Variants in PTTG1 observed in about 807,000 individuals in gnomAD.
PTTG1 encodes the protein securin.
PTTG1 carries 8 observed loss-of-function variants against 20.0 expected under a neutral mutation model. That is an observed-to-expected ratio of 0.40 (90% CI 0.23 to 0.72). The LOEUF is 0.72. PTTG1 is among the 30% of genes least tolerant of loss of function. PTTG1 has a pLI of 0.38. For synonymous variants in PTTG1, 79 were observed against 87.2 expected (o/e 0.91, Z 0.52); for missense variants, 197 against 236.0 (o/e 0.83, Z 1.08).
intron 4 of PTTG1, among the ~76,000 whole-genome samples, chr5:160,427,451 A>G (rs1397362240): frequency 1.5e-5 from 2 of 130,086 alleles, no homozygotes; most frequent in African/African-American, 4.0e-5. Context: ...TTTTTAAACT[A>G]CAAGCGAAGA....
At chr5:160,422,427 G>T in intron 2 of PTTG1, 24 bp downstream of exon 2, 1 of 1,590,448 alleles carries the variant, frequency 6.3e-7, no homozygotes, top group East Asian at 2.2e-5. Context: ...GCTGCAGTCG[G>T]ATACACTGGT....
At position 160,422,850 on chromosome 5, in the gene PTTG1, A is replaced by G; in HGVS notation, c.233A>G (p.Lys78Arg). ...GCTACAGAAAAGTCTGTAAAGACCA[A>G]GGGACCCCTCAAACAAAAACAGCCA... ...NRATEKSVKT[K>R]GPLKQKQPSF... Residue 78 changes from lysine to arginine, a missense_variant, in exon 3 of 6, where the codon AAG becomes AGG. By Grantham distance (26) the Lys-to-Arg change is conservative. Transcript: ENST00000352433. 1.2e-6 allele frequency: 2 copies of G among 1,614,224 alleles called. No homozygotes were observed. Among genetic ancestry groups the G allele is most frequent in the Non-Finnish European group, 8.5e-7 (1 of 1,180,026 alleles).
intron 4 of PTTG1, among the ~76,000 whole-genome samples, chr5:160,426,470 T>C (rs1327768584): frequency 1.3e-5 from 2 of 152,192 alleles, no homozygotes; most frequent in Non-Finnish European, 2.9e-5. Flanking sequence ...TGGCTGTTTC[T>C]GAATATAAAA....
At chr5:160,422,479 CT>C in intron 2 of PTTG1, 76 bp downstream of exon 2, 1 of 1,344,540 alleles carries the variant, frequency 7.4e-7, no homozygotes, top group Non-Finnish European at 1.1e-6. Flanking sequence ...ATTTAGTGTA[CT>C]TTTTGGGCAA....
At chr5:160,423,947 C>A (rs1028354656) in intron 3 of PTTG1, among the ~76,000 whole-genome samples, 1 of 152,134 alleles carries the variant, frequency 6.6e-6, no homozygotes, top group South Asian at 2.1e-4. Context: ...GTGATTCATG[C>A]CCATTTTCTC....
Position 160,422,725 on chromosome 5 carries a change from T to TG in PTTG1, c.111dup (p.Arg38GlufsTer21). The TG allele has an allele frequency of 6.2e-7, 1 of 1,614,104 alleles. No homozygotes were observed. Among genetic ancestry groups the TG allele is most frequent in the Non-Finnish European group, 8.5e-7 (1 of 1,180,004 alleles). On this transcript the variant is annotated frameshift_variant, in exon 3 of 6. Coordinates refer to ENST00000352433, the MANE Select transcript of PTTG1 (RefSeq NM_004219.4). LOFTEE classifies it high-confidence loss of function. ...TTTCTTCAGCAATCAAAGCCTTAGA[T>TG]GGGAGATCTCAAGTTTCAACACCAC...
chr5:160,424,144 C>T (rs1581085079), intron 3 of PTTG1, 93 bp from the exon 4 acceptor site: 3 of 853,872 alleles, frequency 3.5e-6, no homozygotes, highest in African/African-American at 1.7e-5. Context: ...ATTATGGCTT[C>T]TTAGAAGGCA....
At chr5:160,422,683 T>G in intron 2 of PTTG1, 26 bp from the exon 3 acceptor site, 1 of 1,612,722 alleles carries the variant, frequency 6.2e-7, no homozygotes, top group East Asian at 2.2e-5. Flanking sequence ...TGCTGGAATA[T>G]TCTTATGGTA....
intron 4 of PTTG1, chr5:160,424,857 C>T (rs1765778643): frequency 6.5e-6 from 1 of 152,956 alleles, no homozygotes; most frequent in Admixed American, 6.5e-5. Flanking sequence ...TGTCAGGCAT[C>T]CTTAGGTCCT....
intron 3 of PTTG1, 59 bp from the exon 4 acceptor site, chr5:160,424,178 A>C (rs536551686): frequency 1.0e-5 from 13 of 1,271,182 alleles, no homozygotes; most frequent in Middle Eastern, 2.6e-4. Context: ...AAATTTAAAA[A>C]CTAATCAGCT....
chr5:160,424,538 G>A (rs1452796862), intron 4 of PTTG1: 2 of 489,744 alleles, frequency 4.1e-6, no homozygotes, highest in Non-Finnish European at 7.2e-6. Context: ...CAAAGATGTA[G>A]AAGACATTGT....
chr5:160,422,419 T>C lies in PTTG1; in HGVS notation c.91+16T>C, dbSNP rs1765730096. The C allele has an allele frequency of 6.3e-7, 1 of 1,598,302 alleles. No individual in the cohort carries two copies. The highest frequency in any genetic ancestry group is 8.6e-7 in the Non-Finnish European group (1 of 1,165,584). On this transcript the variant is annotated intron_variant, in intron 2 of 5. Transcript: ENST00000352433. ...TCTGGACCTTGTAAGTATACAAGGC[T>C]GCAGTCGGATACACTGGTATTGTGG...
chr5:160,428,670 A>G lies in PTTG1; in HGVS notation c.598A>G (p.Ile200Val). Residue 200 changes from isoleucine to valine, a missense_variant, in exon 6 of 6, where the codon ATA (isoleucine) becomes GTA (valine). Ile to Val is a conservative substitution (Grantham distance 29). Coordinates refer to ENST00000352433, the MANE Select transcript of PTTG1 (RefSeq NM_004219.4). The part of the protein sequence containing the change: ...DVELPPVCCD[I>V]DI The stretch of plus-strand genomic sequence containing the variant: ...TGAATTGCCACCTGTTTGCTGTGAC[A>G]TAGATATTTAAATTTCTTAGTGCTT... The G allele has an allele frequency of 1.2e-6, 2 of 1,612,996 alleles. No homozygotes were observed. The highest frequency in any genetic ancestry group is 8.5e-7 in the Non-Finnish European group (1 of 1,178,944).
chr5:160,425,912 A>G (rs1445708159), intron 4 of PTTG1, among the ~76,000 whole-genome samples: 1 of 152,194 alleles, frequency 6.6e-6, no homozygotes, highest in Non-Finnish European at 1.5e-5. Flanking sequence ...TGATTTTCTA[A>G]TCTTTTGAGA....
intron 3 of PTTG1, 176 bp downstream of exon 3, chr5:160,423,069 G>A: frequency 2.9e-6 from 2 of 680,324 alleles, no homozygotes; most frequent in Non-Finnish European, 4.9e-6. Flanking sequence ...GGTACCTTGA[G>A]ATTGGAAATC....
At chr5:160,424,356 G>T in intron 4 of PTTG1, 26 bp downstream of exon 4, 1 of 1,511,320 alleles carries the variant, frequency 6.6e-7, no homozygotes, top group Non-Finnish European at 9.1e-7. Context: ...ATTGCGAAAA[G>T]TGCTTTTGGC....
intron 3 of PTTG1, among the ~76,000 whole-genome samples, chr5:160,423,213 G>T (rs6882099): frequency 0.022 from 3,321 of 152,318 alleles, 126 homozygotes; most frequent in African/African-American, 0.075. Flanking sequence ...AAGAGAAACT[G>T]GTTGGTGGTA....
At chr5:160,427,319 G>A (rs1314531171) in intron 4 of PTTG1, among the ~76,000 whole-genome samples, 1 of 152,152 alleles carries the variant, frequency 6.6e-6, no homozygotes, top group Non-Finnish European at 1.5e-5. Context: ...CAGTGGAAGT[G>A]CTTTATGGCA....
chr5:160,424,215 A>G (rs778509494), intron 3 of PTTG1, 22 bp from the exon 4 acceptor site: 1 of 1,562,354 alleles, frequency 6.4e-7, no homozygotes, highest in Admixed American at 1.7e-5. Flanking sequence ...TCACTAACCC[A>G]TATTTTCTTT....
Sources: allele counts gnomAD v4.1 joint callset (sites outside exome capture counted in the v4.1 genomes callset), GRCh38; gene constraint gnomAD v4.1.1; transcripts MANE v1.5; gene names NCBI Gene and HGNC (gene_info 2026-07-23, HGNC 2026-07-21).